HCN1: variants seen among roughly 807,000 people sequenced by gnomAD.
HCN1 encodes the protein potassium/sodium hyperpolarization-activated cyclic nucleotide-gated channel 1.
A neutral mutation model predicts 78.9 loss-of-function variants in HCN1; 13 were observed. That is an observed-to-expected ratio of 0.16 (90% CI 0.11 to 0.26). The LOEUF (loss-of-function observed/expected upper bound fraction) is 0.26. Among genes scored for constraint, HCN1 ranks in the 10% least tolerant of loss-of-function variants. The pLI is 1.00. For missense variants in HCN1, 810 were observed against 1,154.3 expected, an observed-to-expected ratio of 0.70 and a Z score of 4.32; for synonymous variants, 552 against 455.5, an observed-to-expected ratio of 1.21 and a Z score of -2.70.
At chr5:45,549,483 T>G (rs1229816286) in intron 2 of HCN1, among the ~76,000 whole-genome samples, 1 of 152,084 alleles carries the variant, frequency 6.6e-6, no homozygotes, top group African/African-American at 2.4e-5. Flanking sequence ...ATACACCTTA[T>G]ACAAAAATTA....
At chr5:45,444,298 GA>G (rs899914043) in intron 3 of HCN1, among the ~76,000 whole-genome samples, 18 of 151,996 alleles carry the variant, frequency 1.2e-4, no homozygotes, top group Non-Finnish European at 2.5e-4. Context: ...AATTAGTTTT[GA>G]AAGCATCATT....
At chr5:45,549,309 A>G (rs886692845) in intron 2 of HCN1, among the ~76,000 whole-genome samples, 21 of 152,154 alleles carry the variant, frequency 1.4e-4, no homozygotes, top group African/African-American at 5.1e-4. Context: ...ATATAGACCA[A>G]TGGAACATAA....
At chr5:45,593,732 T>C (rs1476711049) in intron 2 of HCN1, among the ~76,000 whole-genome samples, 1 of 151,966 alleles carries the variant, frequency 6.6e-6, no homozygotes, top group Admixed American at 6.6e-5. Flanking sequence ...TGGAGTGCAG[T>C]GGCACAATCT....
At chr5:45,337,323 T>G (rs181261708) in intron 5 of HCN1, among the ~76,000 whole-genome samples, 8 of 152,258 alleles carry the variant, frequency 5.3e-5, no homozygotes, top group African/African-American at 1.7e-4. Flanking sequence ...CACAGAGGAA[T>G]CTAAAGATGC....
intron 2 of HCN1, among the ~76,000 whole-genome samples, chr5:45,507,463 G>T (rs1345226079): frequency 6.6e-6 from 1 of 152,162 alleles, no homozygotes; most frequent in African/African-American, 2.4e-5. Context: ...GATGGGAAAA[G>T]AATAAAGCAC....
rs1464971860 is a variant in HCN1, at chr5:45,257,176, G to C, written c.*4745C>G. 1 of 152,112 alleles carries C rather than the reference G, an allele frequency of 6.6e-6. No homozygotes were observed. Among genetic ancestry groups the C allele is most frequent in the Non-Finnish European group, 1.5e-5 (1 of 68,022 alleles). 9.4% of individuals were successfully genotyped at this position (152,112 alleles called of 1,614,324 possible). On this transcript the variant is annotated 3_prime_UTR_variant, in exon 8 of 8. Transcript: ENST00000303230. ...CATTTCAATGTGAATCCTCCCCGTT[G>C]ATAAGCTTAAATTAAGAATATAAAG...
chr5:45,630,464 G>A (rs1380730170), intron 2 of HCN1, among the ~76,000 whole-genome samples: 2 of 152,176 alleles, frequency 1.3e-5, no homozygotes, highest in African/African-American at 4.8e-5. Flanking sequence ...AGAATAGCAT[G>A]TGGCTCCACA....
intron 5 of HCN1, among the ~76,000 whole-genome samples, chr5:45,310,388 C>T (rs1275204906): frequency 6.6e-6 from 1 of 151,990 alleles, no homozygotes; most frequent in Non-Finnish European, 1.5e-5. Context: ...AGAAGACATA[C>T]ATGTGGCCAA....
chr5:45,297,740 A>C (rs1745528654), intron 6 of HCN1, among the ~76,000 whole-genome samples: 2 of 152,172 alleles, frequency 1.3e-5, no homozygotes, highest in East Asian at 3.9e-4. Context: ...CCAATCCAAT[A>C]CATTTTCACA....
intron 2 of HCN1, among the ~76,000 whole-genome samples, chr5:45,521,870 A>C (rs1742619418): frequency 6.6e-6 from 1 of 152,058 alleles, no homozygotes; most frequent in Non-Finnish European, 1.5e-5. Context: ...TAAGGGAATT[A>C]TTATGTTTGG....
At chr5:45,421,808 T>C (rs1437874237) in intron 3 of HCN1, among the ~76,000 whole-genome samples, 2 of 152,210 alleles carry the variant, frequency 1.3e-5, no homozygotes, top group African/African-American at 2.4e-5. Flanking sequence ...GGTGGAATTC[T>C]TGCTCAGGTT....
intron 4 of HCN1, among the ~76,000 whole-genome samples, chr5:45,368,613 T>C (rs972792040): frequency 6.6e-6 from 1 of 151,994 alleles, no homozygotes; most frequent in African/African-American, 2.4e-5. Flanking sequence ...AAGATTCATA[T>C]ACTAAATGGC....
intron 4 of HCN1, among the ~76,000 whole-genome samples, chr5:45,376,015 C>T (rs1747643081): frequency 1.8e-5 from 2 of 110,604 alleles, no homozygotes; most frequent in African/African-American, 3.7e-5. Flanking sequence ...AATATTTTAT[C>T]ATATACAATC....
At chr5:45,404,254 A>G (rs1312545630) in intron 3 of HCN1, among the ~76,000 whole-genome samples, 1 of 152,138 alleles carries the variant, frequency 6.6e-6, no homozygotes, top group Non-Finnish European at 1.5e-5. Flanking sequence ...ATATGATATT[A>G]TATGCGAATG....
At chr5:45,674,752 A>G (rs1285183206) in intron 1 of HCN1, among the ~76,000 whole-genome samples, 1 of 151,726 alleles carries the variant, frequency 6.6e-6, no homozygotes, top group African/African-American at 2.4e-5. Context: ...AATTTAAAAT[A>G]AGAAAGTATA....
At chr5:45,533,061 A>G (rs576841294) in intron 2 of HCN1, among the ~76,000 whole-genome samples, 1 of 152,200 alleles carries the variant, frequency 6.6e-6, no homozygotes, top group Non-Finnish European at 1.5e-5. Flanking sequence ...CTGACAGCTA[A>G]GATTTCGAGC....
chr5:45,293,632 ATTAAAAAGAGAAAGACAT>A lies in HCN1; in HGVS notation c.1618+9949_1618+9966del, dbSNP rs1397589825. Among the ~76,000 whole-genome samples, 3 of 151,980 alleles carry A rather than the reference ATTAAAAAGAGAAAGACAT, an allele frequency of 2.0e-5. No individual in the cohort carries two copies. In the East Asian group the frequency reaches 5.8e-4, roughly 29 times the overall value. On this transcript the variant is annotated intron_variant, in intron 6 of 7. Transcript: ENST00000303230. ...TCCCCTCCTTCTCTTTTTCTATTTT[ATTAAAAAGAGAAAGACAT>A]TTTGACTTCAAAATAAAATGTCTTC...
At chr5:45,483,257 C>T (rs567676050) in intron 2 of HCN1, among the ~76,000 whole-genome samples, 1 of 152,104 alleles carries the variant, frequency 6.6e-6, no homozygotes, top group Admixed American at 6.6e-5. Flanking sequence ...TTTTCCATAG[C>T]TTTGCCAGCA....
In HCN1 at chr5:45,257,125, A is replaced by C. The variant is rs1377563279; in HGVS notation, c.*4796T>G. On this transcript the variant is annotated 3_prime_UTR_variant, in exon 8 of 8. Transcript: ENST00000303230. ...TTTTTGCTGTGTCATAAATTATTTT[A>C]TTCCTTGTTACATTAGCAAAACAGA... The C allele has an allele frequency of 6.6e-6, 1 of 152,200 alleles. No homozygotes were observed. The highest frequency in any genetic ancestry group is 1.5e-5 in the Non-Finnish European group (1 of 68,038). 9.4% of individuals were successfully genotyped at this position (152,200 alleles called of 1,614,324 possible).
Sources: allele counts gnomAD v4.1 joint callset (sites outside exome capture counted in the v4.1 genomes callset), GRCh38; gene constraint gnomAD v4.1.1; transcripts MANE v1.5; gene names NCBI Gene and HGNC (gene_info 2026-07-23, HGNC 2026-07-21).